ABCC1: variants seen among roughly 807,000 people sequenced by gnomAD.
ABCC1 encodes the protein ATP binding cassette subfamily C member 1 (ABCC1 blood group).
ABCC1 carries 83 observed loss-of-function variants against 172.9 expected under a neutral mutation model. That is an observed-to-expected ratio of 0.48 (90% CI 0.40 to 0.58). ABCC1 has a LOEUF of 0.58. Among genes scored for constraint, ABCC1 ranks in the 20% least tolerant of loss-of-function variants. The pLI, the probability that ABCC1 is intolerant of heterozygous loss-of-function variation, is 0.00. For synonymous variants in ABCC1, 937 were observed against 825.2 expected, an observed-to-expected ratio of 1.14 and a Z score of -2.32; for missense variants, 1,817 against 2,002.7, an observed-to-expected ratio of 0.91 and a Z score of 1.77.
intron 1 of ABCC1, among the ~76,000 whole-genome samples, chr16:16,004,872 T>C (rs2047466735): frequency 6.6e-6 from 1 of 152,034 alleles, no homozygotes; most frequent in South Asian, 2.1e-4. Flanking sequence ...GGGGGGTTCT[T>C]GCCATGTTGG....
At chr16:15,952,707 T>G (rs1426076099) in intron 1 of ABCC1, among the ~76,000 whole-genome samples, 4 of 122,744 alleles carry the variant, frequency 3.3e-5, no homozygotes, top group African/African-American at 3.3e-5. Context: ...GGACTTTTTG[T>G]GAGTTCATTA....
intron 5 of ABCC1, among the ~76,000 whole-genome samples, chr16:16,017,323 T>A (rs2151767209): frequency 6.6e-6 from 1 of 151,658 alleles, no homozygotes; most frequent in East Asian, 2.0e-4. Context: ...CTTGACCTCC[T>A]GGGCTCAAGC....
chr16:15,984,708 T>C (rs2046705113), intron 1 of ABCC1, among the ~76,000 whole-genome samples: 1 of 152,150 alleles, frequency 6.6e-6, no homozygotes, highest in Admixed American at 6.5e-5. Flanking sequence ...CCTCCCAAAG[T>C]GCTGAGATTA....
At chr16:15,952,680 T>C (rs1041552787) in intron 1 of ABCC1, among the ~76,000 whole-genome samples, 5 of 136,572 alleles carry the variant, frequency 3.7e-5, no homozygotes, top group African/African-American at 5.7e-5. Context: ...GGCATGATGG[T>C]TGGAAAAATG....
chr16:16,076,487 C>A, intron 15 of ABCC1, 86 bp downstream of exon 15: 1 of 1,313,994 alleles, frequency 7.6e-7, no homozygotes, highest in East Asian at 2.6e-5. Context: ...CACCGTGCTC[C>A]CTCTCTGTGA....
intron 1 of ABCC1, among the ~76,000 whole-genome samples, chr16:15,950,556 G>C (rs763410171): frequency 6.6e-6 from 1 of 152,116 alleles, no homozygotes; most frequent in African/African-American, 2.4e-5. Flanking sequence ...ATTTAACCCC[G>C]GCAAGTTTTC....
chr16:16,086,724 C>T (rs1010340723), intron 17 of ABCC1, 100 bp from the exon 18 acceptor site: 53 of 1,391,440 alleles, frequency 3.8e-5, no homozygotes, highest in Non-Finnish European at 3.7e-5. Flanking sequence ...CCACCTTGGC[C>T]TCCCAAAGTT....
rs2047835736 is a variant in ABCC1 at position 16,012,705 on chromosome 16, T to TTC, written c.352-1786_352-1785insTC. On this transcript the variant is annotated intron_variant, in intron 3 of 30. Coordinates refer to ENST00000399410, the MANE Select transcript of ABCC1 (RefSeq NM_004996.4). ...TTCCTGGTCTTTTTTTTTTTTCCTT[T>TTC]GAGGCAGAGTTTCGCTCTTTTTTCC... 1.4e-4 allele frequency among the ~76,000 whole-genome samples: 20 copies of TTC among 147,186 alleles called. 1 individual carries two copies. The highest frequency in any genetic ancestry group is 9.3e-4 in the Admixed American group (14 of 15,012).
At chr16:16,090,268 G>A (rs1359607130) in intron 18 of ABCC1, 137 bp from the exon 19 acceptor site, 1 of 806,106 alleles carries the variant, frequency 1.2e-6, no homozygotes, top group Non-Finnish European at 1.9e-6. Context: ...GTTATCGCGG[G>A]TGCATGTCCC....
rs566712015 is a variant in ABCC1 at position 16,032,595 on chromosome 16, T to C, written c.616-514T>C. ...TATAGAATTCCATGAGGATATAAAA[T>C]AATGCAAGTATATAAGCTCTTGGTA... is the stretch of plus-strand genomic sequence containing the variant. On this transcript the variant is annotated intron_variant, in intron 5 of 30. Coordinates refer to ENST00000399410, the MANE Select transcript of ABCC1 (RefSeq NM_004996.4). Among the ~76,000 whole-genome samples, 91 of 152,324 alleles carry C rather than the reference T, an allele frequency of 6.0e-4. 2 individuals are homozygous for C. The South Asian group carries it at 0.018, about 30-fold the overall frequency.
chr16:16,014,451 A>G (rs778389746), intron 3 of ABCC1, 40 bp from the exon 4 acceptor site: 2 of 1,601,902 alleles, frequency 1.2e-6, no homozygotes, highest in Admixed American at 1.7e-5. Context: ...CTGTCTCAAA[A>G]AAAAACCCAA....
In ABCC1 at chr16:16,102,778, G is replaced by A; in HGVS notation, c.2735+61G>A. 9.3e-6 allele frequency: 14 copies of A among 1,503,856 alleles called. No homozygotes were observed. In the Admixed American group the frequency reaches 1.1e-4, roughly 11 times the overall value. 93.2% of individuals were successfully genotyped at this position (1,503,856 alleles called of 1,614,324 possible). A position where few individuals can be genotyped will look rare whatever the true frequency, so the allele number is the denominator to read the frequency against. ...CTGCCCTGCCAGTGGGAGGACAAGA[G>A]GAGGAACAAAAAAAGGCCTCAGCCC... On this transcript the variant is annotated intron_variant, in intron 20 of 30. Transcript: ENST00000399410.
chr16:16,018,411 T>C (rs2048080004), intron 5 of ABCC1, among the ~76,000 whole-genome samples: 1 of 151,966 alleles, frequency 6.6e-6, no homozygotes, highest in Non-Finnish European at 1.5e-5. Context: ...TAGCCAGGCA[T>C]GGTGGTGCAT....
intron 24 of ABCC1, 55 bp from the exon 25 acceptor site, chr16:16,124,734 A>C: frequency 6.2e-7 from 1 of 1,611,450 alleles, no homozygotes; most frequent in Non-Finnish European, 8.5e-7. Context: ...CTGTAAGCCA[A>C]GTCTCTGTAG....
In ABCC1 at chr16:16,098,889, C is replaced by T. The variant is rs181940660; in HGVS notation, c.2645-3738C>T. ...AATTCCCAGGCAGCACAGTGATGGA[C>T]GAGGAGGAAGCAGGTCAGTACTGCC... is the stretch of plus-strand genomic sequence containing the variant. On this transcript the variant is annotated intron_variant, in intron 19 of 30. Coordinates refer to ENST00000399410, the MANE Select transcript of ABCC1 (RefSeq NM_004996.4). The T allele has an allele frequency of 4.8e-4, 655 of 1,352,002 alleles. 3 individuals are homozygous for T. The Middle Eastern group carries it at 8.2e-3, about 17-fold the overall frequency. The allele number at this position is 1,352,002 out of a possible 1,614,324, so 83.8% of individuals were successfully genotyped here. A position where few individuals can be genotyped will look rare whatever the true frequency, so the allele number is the denominator to read the frequency against.
In ABCC1 at chr16:16,045,932, C is replaced by T. The variant is rs528197968; in HGVS notation, c.1137C>T (p.Leu379=). The change falls in exon 9 of 31, where the codon CTC becomes CTT. Residue 379 remains leucine (L), a synonymous_variant. Coordinates refer to ENST00000399410, the MANE Select transcript of ABCC1 (RefSeq NM_004996.4). ...LLFVTACLQT[L]VLHQYFHICF... ...TTGTCACTGCCTGCCTGCAGACCCT[C>T]GTGCTGCACCAGTACTTCCACATCT... is the stretch of plus-strand genomic sequence containing the variant. 21 of 1,614,164 alleles carry T rather than the reference C, an allele frequency of 1.3e-5. No homozygotes were observed. The African/African-American group carries it at 1.5e-4, about 11-fold the overall frequency.
intron 18 of ABCC1, among the ~76,000 whole-genome samples, chr16:16,088,485 T>A (rs1388157405): frequency 2.0e-5 from 3 of 152,178 alleles, no homozygotes; most frequent in Non-Finnish European, 4.4e-5. Context: ...TAGTCCCTCT[T>A]CATCCTGCAT....
intron 7 of ABCC1, among the ~76,000 whole-genome samples, chr16:16,038,401 T>C (rs992526545): frequency 3.9e-5 from 6 of 152,162 alleles, no homozygotes; most frequent in Non-Finnish European, 7.4e-5. Context: ...CCTGGAGTCA[T>C]TGGGTAAGTC....
At position 16,044,626 on chromosome 16, in the gene ABCC1, T is replaced by G. The variant is rs200106515; in HGVS notation, c.986T>G (p.Phe329Cys). The change falls in exon 8 of 31, where the codon TTC becomes TGC. Residue 329 changes from phenylalanine to cysteine, a missense_variant. Phe to Cys is a radical substitution (Grantham distance 205). Coordinates refer to ENST00000399410, the MANE Select transcript of ABCC1 (RefSeq NM_004996.4). ...KTFGPYFLMS[F>C]FFKAIHDLMM... ...TTTGGGCCCTACTTCCTCATGAGCT[T>G]CTTCTTCAAGGCCATCCACGACCTG... is the stretch of plus-strand genomic sequence containing the variant. 94 of 1,614,182 alleles carry G rather than the reference T, an allele frequency of 5.8e-5. No homozygotes were observed. Among genetic ancestry groups the G allele is most frequent in the Non-Finnish European group, 7.1e-5 (84 of 1,180,030 alleles).
Sources: allele counts gnomAD v4.1 joint callset (sites outside exome capture counted in the v4.1 genomes callset), GRCh38; gene constraint gnomAD v4.1.1; transcripts MANE v1.5; gene names NCBI Gene and HGNC (gene_info 2026-07-23, HGNC 2026-07-21).